RGS7BP: variants seen among roughly 807,000 people sequenced by gnomAD.
RGS7BP encodes the protein regulator of G protein signaling 7 binding protein, also known as regulator of G protein signaling 7-binding protein.
A neutral mutation model predicts 31.3 loss-of-function variants in RGS7BP; 9 were observed. The ratio of observed to expected loss-of-function variants is 0.29; its 90% CI spans 0.17 to 0.50. The LOEUF (loss-of-function observed/expected upper bound fraction) is 0.50. RGS7BP is among the 20% of genes least tolerant of loss of function. RGS7BP has a pLI of 0.98. For synonymous variants in RGS7BP, 115 were observed against 120.1 expected, an observed-to-expected ratio of 0.96 and a Z score of 0.28; for missense variants, 274 against 322.0, an observed-to-expected ratio of 0.85 and a Z score of 1.14.
At chr5:64,537,073 G>C (rs1281681248) in intron 2 of RGS7BP, among the ~76,000 whole-genome samples, 1 of 152,164 alleles carries the variant, frequency 6.6e-6, no homozygotes, top group African/African-American at 2.4e-5. Flanking sequence ...CAGCCTTTTG[G>C]CTAAGATCAA....
rs1580451232 is a variant in RGS7BP at position 64,580,349 on chromosome 5, T to C, written c.463+4445T>C. 2.6e-5 allele frequency among the ~76,000 whole-genome samples: 4 copies of C among 151,920 alleles called. 1 individual carries two copies. On this transcript the variant is annotated intron_variant, in intron 3 of 5. Transcript: ENST00000334025. ...GACAAATGTTTCATCTTCATAAAAA[T>C]AAGAAATGGGGAAGGAATGGGGAGC...
At chr5:64,510,061 T>C (rs1748791725) in intron 2 of RGS7BP, among the ~76,000 whole-genome samples, 1 of 152,134 alleles carries the variant, frequency 6.6e-6, no homozygotes, top group Non-Finnish European at 1.5e-5. Flanking sequence ...TGAAGGCTGG[T>C]AGGGAGGCTG....
chr5:64,549,993 T>G (rs953790262), intron 2 of RGS7BP, among the ~76,000 whole-genome samples: 2 of 152,194 alleles, frequency 1.3e-5, no homozygotes, highest in Non-Finnish European at 2.9e-5. Context: ...TTCAGCCAAG[T>G]TTTTTGTTAC....
chr5:64,609,137 T>C (rs1743439146), intron 5 of RGS7BP, 24 bp from the exon 6 acceptor site: 2 of 1,466,448 alleles, frequency 1.4e-6, no homozygotes, highest in Non-Finnish European at 1.9e-6. Flanking sequence ...ACCTCACTTA[T>C]GTGCACATTA....
chr5:64,573,613 A>G (rs1376410944), intron 2 of RGS7BP: 1 of 150,996 alleles, frequency 6.6e-6, no homozygotes, highest in Non-Finnish European at 1.5e-5. Context: ...TACAGAAAAG[A>G]TTAGCATGGC....
intron 2 of RGS7BP, among the ~76,000 whole-genome samples, chr5:64,525,283 C>T (rs1749204246): frequency 1.3e-5 from 2 of 152,096 alleles, no homozygotes; most frequent in Non-Finnish European, 2.9e-5. Context: ...GCGTCTCCAC[C>T]CTAGCTCAGC....
rs1488856808 is a variant in RGS7BP at position 64,507,871 on chromosome 5, T to G, written c.326T>G (p.Ile109Ser). 1.9e-6 allele frequency: 3 copies of G among 1,613,040 alleles called. No individual in the cohort carries two copies. Among genetic ancestry groups the G allele is most frequent in the South Asian group, 2.2e-5 (2 of 90,988 alleles). Residue 109 changes from isoleucine (I) to serine (S), a missense_variant, in exon 2 of 6, where the codon ATC becomes AGC. Around this residue, in one of 3 missense-constraint regions of RGS7BP, gnomAD observed 149 missense variants for 152.6 expected, o/e 0.98. Transcript: ENST00000334025. ...ARQAHQKLAAISGPEDGEIHP... is the reference protein window; with the variant it reads ...ARQAHQKLAASSGPEDGEIHP... ...CAGGCACACCAAAAATTGGCTGCCA[T>G]CTCAGGGTAGGAGACTCGGCATTAT...
At chr5:64,558,252 G>A (rs1009866674) in intron 2 of RGS7BP, among the ~76,000 whole-genome samples, 1 of 152,160 alleles carries the variant, frequency 6.6e-6, no homozygotes, top group Admixed American at 6.6e-5. Flanking sequence ...AATGTGGTTT[G>A]TTGCAGGAAG....
chr5:64,575,411 C>T (rs562655225), intron 2 of RGS7BP, among the ~76,000 whole-genome samples: 1 of 152,304 alleles, frequency 6.6e-6, no homozygotes, highest in Middle Eastern at 3.4e-3. Context: ...GTCAGTTTCT[C>T]TAAAAACAAG....
At chr5:64,547,794 G>A (rs1157017981) in intron 2 of RGS7BP, among the ~76,000 whole-genome samples, 2 of 152,086 alleles carry the variant, frequency 1.3e-5, no homozygotes, top group Non-Finnish European at 2.9e-5. Context: ...TGTATAAGTA[G>A]TAAGTTTAGA....
At chr5:64,535,157 A>G (rs1256285293) in intron 2 of RGS7BP, among the ~76,000 whole-genome samples, 1 of 152,190 alleles carries the variant, frequency 6.6e-6, no homozygotes. Flanking sequence ...TCTGGATTGG[A>G]GGGCTGAAGA....
chr5:64,507,687 A>G, intron 1 of RGS7BP, 24 bp from the exon 2 acceptor site: 2 of 1,553,638 alleles, frequency 1.3e-6, no homozygotes, highest in South Asian at 2.4e-5. Flanking sequence ...TTGGTAAAAA[A>G]AAAAAAACTC....
chr5:64,549,179 A>ATATCTGT (rs1195876235), intron 2 of RGS7BP, among the ~76,000 whole-genome samples: 2 of 152,222 alleles, frequency 1.3e-5, no homozygotes, highest in African/African-American at 4.8e-5. Context: ...CGCCAGCTAT[A>ATATCTGT]TATCTGTGAA....
At chr5:64,552,653 A>T (rs1027486725) in intron 2 of RGS7BP, among the ~76,000 whole-genome samples, 3 of 152,156 alleles carry the variant, frequency 2.0e-5, no homozygotes, top group Non-Finnish European at 2.9e-5. Context: ...CCTGGGTCTG[A>T]ATTTAGATTG....
intron 2 of RGS7BP, among the ~76,000 whole-genome samples, chr5:64,537,673 C>G (rs1168870315): frequency 6.6e-6 from 1 of 152,172 alleles, no homozygotes; most frequent in Non-Finnish European, 1.5e-5. Context: ...CCCCAGAAAG[C>G]TACATCATGG....
intron 2 of RGS7BP, among the ~76,000 whole-genome samples, chr5:64,555,754 C>T (rs1447837071): frequency 6.6e-6 from 1 of 152,108 alleles, no homozygotes; most frequent in Non-Finnish European, 1.5e-5. Context: ...GAATTTCACA[C>T]ATTGTAAATT....
At chr5:64,578,970 T>C (rs13361178) in intron 3 of RGS7BP, among the ~76,000 whole-genome samples, 6,064 of 152,248 alleles carry the variant, frequency 0.04, 415 homozygotes, top group African/African-American at 0.14. Context: ...CAACAAGTCA[T>C]TGAGATATTT....
At chr5:64,601,501 T>G in intron 5 of RGS7BP, 1 of 872,482 alleles carries the variant, frequency 1.1e-6, no homozygotes, top group Non-Finnish European at 1.4e-6. Context: ...TTAGTGATTA[T>G]GCCTTCATTT....
rs1001838179 is a variant in RGS7BP at position 64,610,143 on chromosome 5, G to C, written c.*891G>C. ...TATAGGGCATGCTGGAATTAGCTCA[G>C]ATTATAAAAATATTTAACATTTTAC... On this transcript the variant is annotated 3_prime_UTR_variant, in exon 6 of 6. Transcript: ENST00000334025. 1.3e-5 allele frequency: 2 copies of C among 152,396 alleles called. No homozygotes were observed. Among genetic ancestry groups the C allele is most frequent in the Non-Finnish European group, 2.9e-5 (2 of 67,936 alleles). The allele number at this position is 152,396 out of a possible 1,614,324, so 9.4% of individuals were successfully genotyped here. A position where few individuals can be genotyped will look rare whatever the true frequency, so the allele number is the denominator to read the frequency against.
Sources: gnomAD v4.1 joint callset for allele counts (sites outside exome capture counted in the v4.1 genomes callset) on GRCh38, gnomAD v4.1.1 for gene constraint, gnomAD v4.1.1 regional missense constraint, MANE v1.5 for transcripts, NCBI Gene and HGNC (gene_info 2026-07-23, HGNC 2026-07-21) for gene names.